The following GAPT variants were observed in gnomAD, a reference collection of about 807,000 sequenced individuals.
GAPT encodes the protein GRB2 binding adaptor protein, transmembrane, also known as protein GAPT.
For missense variants in GAPT, 206 were observed against 189.2 expected (o/e 1.09, Z -0.52); for synonymous variants, 82 against 69.7 (o/e 1.18, Z -0.88).
rs995980599 is a variant in GAPT at position 58,495,657 on chromosome 5, C to T, written c.*647C>T. On this transcript the variant is annotated 3_prime_UTR_variant, in exon 3 of 3. Coordinates refer to ENST00000502276, the MANE Select transcript of GAPT (RefSeq NM_001304431.2). Reference sequence around the variant, plus strand: ...TTGATTCTTCCTTCTAAATATTACCCGTTATCTCTTTCCTTTATTTCTACC... The same window carrying T: ...TTGATTCTTCCTTCTAAATATTACCTGTTATCTCTTTCCTTTATTTCTACC... 1.1e-4 allele frequency: 18 copies of T among 161,794 alleles called. No individual in the cohort carries two copies. Among genetic ancestry groups the T allele is most frequent in the African/African-American group, 3.4e-4 (14 of 41,372 alleles). 10.0% of individuals were successfully genotyped at this position (161,794 alleles called of 1,614,324 possible).
chr5:58,491,820 C>G (rs922347581), intron 1 of GAPT, among the ~76,000 whole-genome samples: 9 of 152,116 alleles, frequency 5.9e-5, no homozygotes, highest in African/African-American at 1.9e-4. Flanking sequence ...AGAAAAATGT[C>G]AAATTGTTAG....
chr5:58,492,036 A>T (rs1579980548), intron 1 of GAPT, among the ~76,000 whole-genome samples: 2 of 152,270 alleles, frequency 1.3e-5, no homozygotes, highest in Admixed American at 1.3e-4. Flanking sequence ...TTCTGTAAAA[A>T]GTCTTCTTGT....
Position 58,495,052 on chromosome 5 carries a change from C to A in GAPT, c.*42C>A. 7.7e-7 allele frequency: 1 copy of A among 1,298,358 alleles called. No homozygotes were observed. The highest frequency in any genetic ancestry group is 1.3e-5 in the South Asian group (1 of 75,424). 80.4% of individuals were successfully genotyped at this position (1,298,358 alleles called of 1,614,324 possible). ...CTTTTGTTATTGGATGATAAATATT[C>A]ACTGTAATTTTTCAACAGCAAAGAC... On this transcript the variant is annotated 3_prime_UTR_variant, in exon 3 of 3. Transcript: ENST00000502276.
rs1205393032 is a variant in GAPT at position 58,496,404 on chromosome 5, T to C, written c.*1394T>C. 1 of 167,098 alleles carries C rather than the reference T, an allele frequency of 6.0e-6. No individual in the cohort carries two copies. Among genetic ancestry groups the C allele is most frequent in the Admixed American group, 6.5e-5 (1 of 15,286 alleles). 10.4% of individuals were successfully genotyped at this position (167,098 alleles called of 1,614,324 possible). A position where few individuals can be genotyped will look rare whatever the true frequency, so the allele number is the denominator to read the frequency against. ...CTTCTATCTACTTGCTATTGTGCTG[T>C]GCACCTGAGGGACATGGGTTGGTGG... On this transcript the variant is annotated 3_prime_UTR_variant, in exon 3 of 3. Coordinates refer to ENST00000502276, the MANE Select transcript of GAPT (RefSeq NM_001304431.2).
Position 58,495,183 on chromosome 5 carries a change from T to C in GAPT, c.*173T>C. On this transcript the variant is annotated 3_prime_UTR_variant, in exon 3 of 3. Coordinates refer to ENST00000502276, the MANE Select transcript of GAPT (RefSeq NM_001304431.2). ...CCGTAAAAAAAGAACAAAACTAACA[T>C]GGGAACAGAAAATCAAATACCACAT... 1 of 562,554 alleles carries C rather than the reference T, an allele frequency of 1.8e-6. No individual in the cohort carries two copies. Among genetic ancestry groups the C allele is most frequent in the Non-Finnish European group, 3.1e-6 (1 of 320,414 alleles). 34.8% of individuals were successfully genotyped at this position (562,554 alleles called of 1,614,324 possible).
At chr5:58,491,605 T>C (rs1052831268) in intron 1 of GAPT, 64 bp downstream of exon 1, 1 of 152,194 alleles carries the variant, frequency 6.6e-6, no homozygotes, top group Admixed American at 6.6e-5. Flanking sequence ...AGTTTGTCTT[T>C]AATTAATCAA....
chr5:58,493,747 T>G lies in GAPT; in HGVS notation c.-382T>G, dbSNP rs1217912415. The G allele has an allele frequency of 6.6e-6, 1 of 152,156 alleles. No homozygotes were observed. Among genetic ancestry groups the G allele is most frequent in the Non-Finnish European group, 1.5e-5 (1 of 68,016 alleles). The allele number at this position is 152,156 out of a possible 1,614,324, so 9.4% of individuals were successfully genotyped here. On this transcript the variant is annotated 5_prime_UTR_variant, in exon 2 of 3. An upstream start codon of the reference 5' UTR is lost. Coordinates refer to ENST00000502276, the MANE Select transcript of GAPT (RefSeq NM_001304431.2). ...ATAATAGAGAATGGACTCATTAATA[T>G]GGGATTACAGAGGAAGGAATGGTTA...
chr5:58,494,776 C>A lies in GAPT; in HGVS notation c.240C>A (p.His80Gln), dbSNP rs35272273. ...RHEISVETQD[H>Q]KSAVRGNNTH... ...AAATCTCAGTTGAAACCCAAGACCACAAATCTGCTGTCAGGGGAAATAACA... is the reference window on the plus strand; with the variant it reads ...AAATCTCAGTTGAAACCCAAGACCAAAAATCTGCTGTCAGGGGAAATAACA... The change falls in exon 3 of 3, where the codon CAC becomes CAA. Residue 80 changes from histidine to glutamine, a missense_variant. Coordinates refer to ENST00000502276, the MANE Select transcript of GAPT (RefSeq NM_001304431.2). The A allele has an allele frequency of 6.2e-7, 1 of 1,613,800 alleles. No individual in the cohort carries two copies. The highest frequency in any genetic ancestry group is 1.3e-5 in the African/African-American group (1 of 74,878).
chr5:58,494,832 G>A lies in GAPT; in HGVS notation c.296G>A (p.Gly99Asp). 6.2e-7 allele frequency: 1 copy of A among 1,613,994 alleles called. No individual in the cohort carries two copies. The highest frequency in any genetic ancestry group is 8.5e-7 in the Non-Finnish European group (1 of 1,179,972). ...THDNYENVEA[G>D]PPKAKGKTDK... ...GACAACTATGAAAATGTGGAAGCAG[G>A]TCCTCCCAAAGCTAAAGGAAAAACC... The change falls in exon 3 of 3, where the codon GGT becomes GAT. Residue 99 changes from glycine to aspartate, a missense_variant. Physicochemically the swap from Gly to Asp is moderately conservative, Grantham distance 94. Coordinates refer to ENST00000502276, the MANE Select transcript of GAPT (RefSeq NM_001304431.2).
intron 1 of GAPT, among the ~76,000 whole-genome samples, chr5:58,492,359 C>G (rs1466870366): frequency 6.6e-6 from 1 of 151,998 alleles, no homozygotes; most frequent in Non-Finnish European, 1.5e-5. Context: ...CCATGTATAC[C>G]ATAAAATATC....
At chr5:58,492,592 T>C (rs2111763577) in intron 1 of GAPT, among the ~76,000 whole-genome samples, 2 of 152,246 alleles carry the variant, frequency 1.3e-5, no homozygotes, top group South Asian at 4.1e-4. Flanking sequence ...GGGGTGCTTG[T>C]CCCTGTATTT....
At position 58,494,610 on chromosome 5, in the gene GAPT, G is replaced by A. The variant is rs557645708; in HGVS notation, c.74G>A (p.Cys25Tyr). 9 of 1,614,026 alleles carry A rather than the reference G, an allele frequency of 5.6e-6. No individual in the cohort carries two copies. The East Asian group carries it at 1.8e-4, about 32-fold the overall frequency. The change falls in exon 3 of 3, where the codon TGT becomes TAT. Residue 25 changes from cysteine to tyrosine, a missense_variant. Transcript: ENST00000502276. Reference sequence around the variant, plus strand: ...TCGCTTCTTTTACTCTTAGTGGTTTGTGGAATTGGGTGTGTTTGGCACTGG... The same window carrying A: ...TCGCTTCTTTTACTCTTAGTGGTTTATGGAATTGGGTGTGTTTGGCACTGG... ...GISLLLLLVV[C>Y]GIGCVWHWKH... is the part of the protein sequence containing the mutation.
chr5:58,495,071 CA>C lies in GAPT; in HGVS notation c.*64del. The C allele has an allele frequency of 9.3e-7, 1 of 1,074,724 alleles. No individual in the cohort carries two copies. The allele number at this position is 1,074,724 out of a possible 1,614,324, so 66.6% of individuals were successfully genotyped here. ...AATATTCACTGTAATTTTTCAACAGCAAAGACAAGGAATCAAACTAAATGTT... is the reference window on the plus strand; with the variant it reads ...AATATTCACTGTAATTTTTCAACAGCAAGACAAGGAATCAAACTAAATGTT... On this transcript the variant is annotated 3_prime_UTR_variant, in exon 3 of 3. Transcript: ENST00000502276.
chr5:58,493,343 T>G (rs943384769), intron 1 of GAPT, among the ~76,000 whole-genome samples: 19 of 152,146 alleles, frequency 1.2e-4, no homozygotes, highest in African/African-American at 4.3e-4. Context: ...ACACTTCCCC[T>G]TCTTGTCTCC....
At position 58,494,905 on chromosome 5, in the gene GAPT, T is replaced by C; in HGVS notation, c.369T>C (p.His123=). Reference sequence around the variant, plus strand: ...CAGGGCAGTCTAATTTCGAGGAGCATATCTATGGAAATGAGACATCTTCTG... The same window carrying C: ...CAGGGCAGTCTAATTTCGAGGAGCACATCTATGGAAATGAGACATCTTCTG... ...ENTGQSNFEE[H]IYGNETSSDY... Residue 123 remains histidine, a synonymous_variant, in exon 3 of 3, where the codon CAT becomes CAC. Coordinates refer to ENST00000502276, the MANE Select transcript of GAPT (RefSeq NM_001304431.2). The C allele has an allele frequency of 6.2e-7, 1 of 1,613,954 alleles. No individual in the cohort carries two copies. The highest frequency in any genetic ancestry group is 8.5e-7 in the Non-Finnish European group (1 of 1,179,876).
intron 1 of GAPT, among the ~76,000 whole-genome samples, chr5:58,492,045 G>A (rs1229577071): frequency 6.6e-6 from 1 of 151,940 alleles, no homozygotes; most frequent in Non-Finnish European, 1.5e-5. Flanking sequence ...AAGTCTTCTT[G>A]TCTTTATCTT....
In GAPT at chr5:58,494,728, C is replaced by T. The variant is rs911605253; in HGVS notation, c.192C>T (p.Pro64=). The T allele has an allele frequency of 1.7e-5, 27 of 1,613,844 alleles. No homozygotes were observed. The highest frequency in any genetic ancestry group is 2.1e-5 in the Non-Finnish European group (25 of 1,179,970). The stretch of plus-strand genomic sequence containing the variant: ...TCTGTACTAAAACATTCTTGGGCCC[C>T]CGCATCATTGGCTTAAGGCATGAAA... ...RKVCTKTFLG[P]RIIGLRHEIS... Residue 64 remains proline (P), a synonymous_variant, in exon 3 of 3, where the codon CCC becomes CCT. Coordinates refer to ENST00000502276, the MANE Select transcript of GAPT (RefSeq NM_001304431.2).
rs1561228534 is a variant in GAPT, at chr5:58,494,655, GA to G, written c.120del (p.Phe41LeufsTer29). ...CACTGGAAACACCGTGTTGCCACAC[GA>G]TTTACCTTACCGAGGTTTTTACAAA... ...VWHWKHRVAT[R>X]FTLPRFLQRR... On this transcript the variant is annotated frameshift_variant, in exon 3 of 3. Coordinates refer to ENST00000502276, the MANE Select transcript of GAPT (RefSeq NM_001304431.2). LOFTEE classifies it low-confidence loss of function (END_TRUNC). The G allele has an allele frequency of 6.2e-7, 1 of 1,614,014 alleles. No individual in the cohort carries two copies.
rs892207924 is a variant in GAPT at position 58,496,662 on chromosome 5, C to T, written c.*1652C>T. ...ACCAATAGGGGGCACTAAGGAAGAC[C>T]GAAAGGCAGTAGGAGGCAACAGGGA... On this transcript the variant is annotated 3_prime_UTR_variant, in exon 3 of 3. Transcript: ENST00000502276. 1 of 167,046 alleles carries T rather than the reference C, an allele frequency of 6.0e-6. No individual in the cohort carries two copies. Among genetic ancestry groups the T allele is most frequent in the Admixed American group, 6.5e-5 (1 of 15,276 alleles). 10.3% of individuals were successfully genotyped at this position (167,046 alleles called of 1,614,324 possible).
Sources: gnomAD v4.1 joint callset for allele counts (sites outside exome capture counted in the v4.1 genomes callset) on GRCh38, gnomAD v4.1.1 for gene constraint, MANE v1.5 for transcripts, NCBI Gene and HGNC (gene_info 2026-07-23, HGNC 2026-07-21) for gene names.